Variants in INPP4A observed in about 807,000 individuals in gnomAD.
INPP4A encodes the protein inositol polyphosphate-4-phosphatase type I A.
In INPP4A, 33 loss-of-function variants were observed where a neutral mutation model predicts 119.8. The ratio of observed to expected loss-of-function variants is 0.28; its 90% CI spans 0.21 to 0.37. The LOEUF (loss-of-function observed/expected upper bound fraction) is 0.37, where lower values mean the gene tolerates loss of function less well. Ranked by LOEUF, INPP4A falls within the 10% of genes least tolerant of loss-of-function variation. The pLI, the probability that INPP4A is intolerant of heterozygous loss-of-function variation, is 1.00. For missense variants in INPP4A, 956 were observed against 1,289.9 expected (o/e 0.74, Z 3.97); for synonymous variants, 496 against 500.7 (o/e 0.99, Z 0.12).
At chr2:98,571,979 A>G (rs1697548279) in intron 22 of INPP4A, 1 of 152,578 alleles carries the variant, frequency 6.6e-6, no homozygotes, top group African/African-American at 2.4e-5. Context: ...ACGTGAAGTA[A>G]TTAGCACAGG....
intron 10 of INPP4A, among the ~76,000 whole-genome samples, chr2:98,542,827 G>A (rs183418638): frequency 6.8e-6 from 1 of 147,430 alleles, no homozygotes; most frequent in African/African-American, 2.5e-5. Flanking sequence ...TCCCCCTTCT[G>A]TTACCCTGTG....
At chr2:98,574,742 C>A (rs1698133550) in intron 23 of INPP4A, among the ~76,000 whole-genome samples, 2 of 152,044 alleles carry the variant, frequency 1.3e-5, no homozygotes, top group South Asian at 4.2e-4. Flanking sequence ...CACACACAGG[C>A]AGTTTACAGA....
intron 1 of INPP4A, among the ~76,000 whole-genome samples, chr2:98,461,956 C>T (rs1282314167): frequency 1.3e-5 from 2 of 152,212 alleles, no homozygotes; most frequent in Non-Finnish European, 2.9e-5. Flanking sequence ...AAGGAAGCTG[C>T]ACCCCCCTTG....
intron 17 of INPP4A, 80 bp downstream of exon 17, chr2:98,559,575 A>G (rs1575083769): frequency 1.4e-6 from 2 of 1,430,236 alleles, no homozygotes; most frequent in East Asian, 4.6e-5. Flanking sequence ...AAATTACAAA[A>G]GATTGCCTTA....
At position 98,519,883 on chromosome 2, in the gene INPP4A, A is replaced by G. The variant is rs41478646; in HGVS notation, c.-103-63A>G. The stretch of plus-strand genomic sequence containing the variant: ...CCCCGGTAGGTCACGTTCTTTCTAA[A>G]TGAGAGCATGATTTCTCTCCATCAC... On this transcript the variant is annotated intron_variant, in intron 2 of 24. Coordinates refer to ENST00000409851, the MANE Select transcript of INPP4A (RefSeq NM_001134225.2). 4.0e-5 allele frequency: 25 copies of G among 629,746 alleles called. 1 individual carries two copies. The South Asian group carries it at 4.1e-4, about 10-fold the overall frequency. The allele number at this position is 629,746 out of a possible 1,614,324, so 39.0% of individuals were successfully genotyped here. A position where few individuals can be genotyped will look rare whatever the true frequency, so the allele number is the denominator to read the frequency against.
At chr2:98,532,274 A>T (rs1689379704) in intron 4 of INPP4A, among the ~76,000 whole-genome samples, 1 of 148,928 alleles carries the variant, frequency 6.7e-6, no homozygotes, top group Non-Finnish European at 1.5e-5. Context: ...TCTTTCTTTC[A>T]TTTTTGTTAG....
chr2:98,555,502 T>G, intron 15 of INPP4A, 51 bp from the exon 16 acceptor site: 3 of 1,545,772 alleles, frequency 1.9e-6, no homozygotes, highest in Non-Finnish European at 2.6e-6. Flanking sequence ...GTGTTATGTT[T>G]GTGTTTCTGT....
chr2:98,474,517 A>G (rs1676806937), intron 1 of INPP4A, among the ~76,000 whole-genome samples: 2 of 152,304 alleles, frequency 1.3e-5, no homozygotes, highest in South Asian at 4.1e-4. Flanking sequence ...CACAGGCATT[A>G]TGGGGAGAGC....
chr2:98,482,672 T>A (rs1383576126), intron 1 of INPP4A, among the ~76,000 whole-genome samples: 1 of 152,216 alleles, frequency 6.6e-6, no homozygotes, highest in Admixed American at 6.5e-5. Context: ...CAAGTGTGGT[T>A]GACATCCAGG....
intron 23 of INPP4A, among the ~76,000 whole-genome samples, chr2:98,574,591 TCA>T (rs1162179153): frequency 1.4e-5 from 2 of 146,328 alleles, no homozygotes; most frequent in Non-Finnish European, 3.0e-5. Context: ...TAAGCCGAAA[TCA>T]CACTACTGCA....
intron 4 of INPP4A, among the ~76,000 whole-genome samples, chr2:98,527,797 A>G (rs1455143717): frequency 1.3e-5 from 2 of 152,234 alleles, no homozygotes; most frequent in African/African-American, 4.8e-5. Flanking sequence ...AACCTAATGA[A>G]GCAGTCACTT....
Position 98,520,111 on chromosome 2 carries a change from C to A in INPP4A, c.63C>A (p.Ser21=), listed in dbSNP as rs2105731888. Residue 21 remains serine (S), a synonymous_variant, in exon 3 of 25, where the codon TCC becomes TCA. Transcript: ENST00000409851. ...GGGCCCGTGCAATGCAGCGGGCTTC[C>A]ACCATCGACGTGGCGGCCGACATGC... is the stretch of plus-strand genomic sequence containing the variant. ...GARARAMQRA[S]TIDVAADMLG... is the part of the protein sequence containing the mutation. The A allele has an allele frequency of 1.3e-6, 2 of 1,572,782 alleles. No individual in the cohort carries two copies. The highest frequency in any genetic ancestry group is 3.3e-4 in the Middle Eastern group (2 of 6,012).
chr2:98,479,352 A>G (rs1039254490), intron 1 of INPP4A, among the ~76,000 whole-genome samples: 10 of 152,112 alleles, frequency 6.6e-5, no homozygotes, highest in South Asian at 2.1e-4. Context: ...AGGCTACCCT[A>G]CTTTGATGAG....
chr2:98,579,792 TA>T lies in INPP4A; in HGVS notation c.2786+2650del, dbSNP rs1302632086. On this transcript the variant is annotated intron_variant, in intron 24 of 24. Coordinates refer to ENST00000409851, the MANE Select transcript of INPP4A (RefSeq NM_001134225.2). ...TGCCTCCAATCATGGATGCCTTTTT[TA>T]CTTGCTTATTTCTTTGTTTTCTGAA... 3.9e-5 allele frequency among the ~76,000 whole-genome samples: 6 copies of T among 152,382 alleles called. No homozygotes were observed. In the East Asian group the frequency reaches 9.6e-4, roughly 24 times the overall value.
chr2:98,539,131 G>C, intron 9 of INPP4A, 150 bp downstream of exon 9: 1 of 556,322 alleles, frequency 1.8e-6, no homozygotes. Context: ...TCTTTTTGCA[G>C]CATATAAAGA....
At chr2:98,506,658 CA>C (rs1684108364) in intron 1 of INPP4A, among the ~76,000 whole-genome samples, 1 of 152,228 alleles carries the variant, frequency 6.6e-6, no homozygotes, top group Non-Finnish European at 1.5e-5. Context: ...GGATTGGAAA[CA>C]TTGTGAGAAA....
Position 98,552,921 on chromosome 2 carries a change from C to G in INPP4A, c.1299C>G (p.Asp433Glu), listed in dbSNP as rs922441884. 1 of 1,613,476 alleles carries G rather than the reference C, an allele frequency of 6.2e-7. No individual in the cohort carries two copies. The highest frequency in any genetic ancestry group is 1.3e-5 in the African/African-American group (1 of 74,918). Residue 433 changes from aspartate (D) to glutamate (E), a missense_variant, in exon 14 of 25, where the codon GAC becomes GAG. Physicochemically the swap from Asp to Glu is conservative, Grantham distance 45. This residue lies in a region of INPP4A where 652 missense variants were observed against 797.9 expected (regional missense o/e 0.82). Transcript: ENST00000409851. ...YAERLSRAAK[D>E]RSATGLERTL... ...AGCGGCTGTCAAGGGCAGCCAAGGACAGGTCTGCCACTGGCCTTGAGAGGA... is the reference window on the plus strand; with the variant it reads ...AGCGGCTGTCAAGGGCAGCCAAGGAGAGGTCTGCCACTGGCCTTGAGAGGA...
chr2:98,500,477 CAT>C (rs760226428), intron 1 of INPP4A, among the ~76,000 whole-genome samples: 15 of 152,296 alleles, frequency 9.8e-5, no homozygotes, highest in East Asian at 9.6e-4. Context: ...CTTGTGAAAA[CAT>C]ATGAATAAAG....
At chr2:98,560,664 C>A (rs898405160) in intron 17 of INPP4A, among the ~76,000 whole-genome samples, 2 of 152,240 alleles carry the variant, frequency 1.3e-5, no homozygotes, top group Non-Finnish European at 2.9e-5. Context: ...TCCTCCGTTG[C>A]CTCCCCGGGC....
Sources: allele counts gnomAD v4.1 joint callset (sites outside exome capture counted in the v4.1 genomes callset), GRCh38; gene constraint gnomAD v4.1.1; regional missense constraint gnomAD v4.1.1; transcripts MANE v1.5; gene names NCBI Gene and HGNC (gene_info 2026-07-23, HGNC 2026-07-21).